The following EEA1 variants were observed in gnomAD, a reference collection of about 807,000 sequenced individuals.
EEA1 encodes early endosome antigen 1, also known as early endosome antigen 1, 162kD.
Under a neutral mutation model 209.2 loss-of-function variants are expected in EEA1, and 111 were observed. That is an observed-to-expected ratio of 0.53 (90% CI 0.45 to 0.62). The LOEUF (loss-of-function observed/expected upper bound fraction) is 0.62. Among genes scored for constraint, EEA1 ranks in the 20% least tolerant of loss-of-function variants. The pLI, the probability that EEA1 is intolerant of heterozygous loss-of-function variation, is 0.00. For missense variants in EEA1, 1,343 were observed against 1,530.8 expected, an observed-to-expected ratio of 0.88 and a Z score of 2.05; for synonymous variants, 536 against 540.6, an observed-to-expected ratio of 0.99 and a Z score of 0.12.
intron 5 of EEA1, among the ~76,000 whole-genome samples, chr12:92,854,930 TA>T (rs575117660): frequency 8.5e-4 from 130 of 152,348 alleles, no homozygotes; most frequent in African/African-American, 3.1e-3. Context: ...ATATTCCCTG[TA>T]AGATTTGTTC....
chr12:92,805,512 T>A (rs1565815413), intron 18 of EEA1, among the ~76,000 whole-genome samples: 1 of 152,110 alleles, frequency 6.6e-6, no homozygotes, highest in Non-Finnish European at 1.5e-5. Flanking sequence ...TTGACACAAG[T>A]CAAGTCCATC....
intron 8 of EEA1, among the ~76,000 whole-genome samples, chr12:92,851,796 C>T (rs1451698712): frequency 6.6e-6 from 1 of 152,058 alleles, no homozygotes; most frequent in Non-Finnish European, 1.5e-5. Flanking sequence ...AACATGATTA[C>T]TTTGATTTTA....
In EEA1 at chr12:92,781,866, G is replaced by A. The variant is rs1397201821; in HGVS notation, c.3336+84C>T. ...GCTGTTGAAAATAAGGATGATGCCT[G>A]TACTAAATAAGAGGTTTGACTGGAT... On this transcript the variant is annotated intron_variant, in intron 23 of 28. Coordinates refer to ENST00000322349, the MANE Select transcript of EEA1 (RefSeq NM_003566.4). 8.7e-6 allele frequency: 11 copies of A among 1,267,828 alleles called. No individual in the cohort carries two copies. The Admixed American group carries it at 1.8e-4, about 21-fold the overall frequency. 78.5% of individuals were successfully genotyped at this position (1,267,828 alleles called of 1,614,324 possible).
At chr12:92,878,911 C>T (rs1879023207) in intron 2 of EEA1, among the ~76,000 whole-genome samples, 1 of 152,082 alleles carries the variant, frequency 6.6e-6, no homozygotes, top group African/African-American at 2.4e-5. Context: ...CAAAAAGAAA[C>T]AGAGAATCTG....
chr12:92,794,680 A>T (rs1406338871), intron 21 of EEA1, among the ~76,000 whole-genome samples: 2 of 147,244 alleles, frequency 1.4e-5, no homozygotes, highest in Non-Finnish European at 3.0e-5. Flanking sequence ...AAAGTGAACA[A>T]TGAGATCACT....
intron 15 of EEA1, among the ~76,000 whole-genome samples, chr12:92,814,758 A>T (rs972473534): frequency 6.6e-6 from 1 of 152,190 alleles, no homozygotes; most frequent in Non-Finnish European, 1.5e-5. Context: ...GCCCTCATAC[A>T]TGTGCATAAT....
intron 14 of EEA1, among the ~76,000 whole-genome samples, chr12:92,818,019 TGATAG>T (rs1875874124): frequency 1.3e-5 from 2 of 152,178 alleles, no homozygotes; most frequent in Admixed American, 1.3e-4. Context: ...TGTAGCTCCT[TGATAG>T]TATTCATTGG....
chr12:92,863,178 G>T (rs1427547398), intron 3 of EEA1, among the ~76,000 whole-genome samples: 2 of 152,204 alleles, frequency 1.3e-5, no homozygotes, highest in African/African-American at 4.8e-5. Flanking sequence ...AAATTTTGCA[G>T]TGGTTGTTGC....
rs755010972 is a variant in EEA1 at position 92,802,719 on chromosome 12, T to C, written c.2355A>G (p.Arg785=). 6.3e-7 allele frequency: 1 copy of C among 1,589,912 alleles called. No individual in the cohort carries two copies. The highest frequency in any genetic ancestry group is 1.2e-5 in the South Asian group (1 of 84,902). ...EMEKEIVSST[R]LDLQKKSEAL... ...CTTCAGATTTTTTCTGTAGATCCAA[T>C]CTTGTACTGGATACTCTAAATATTT... is the stretch of plus-strand genomic sequence containing the variant. The change falls in exon 19 of 29, where the codon AGA becomes AGG. Residue 785 remains arginine, a synonymous_variant. Transcript: ENST00000322349.
chr12:92,852,137 G>A, intron 8 of EEA1, 38 bp downstream of exon 8: 1 of 1,487,534 alleles, frequency 6.7e-7, no homozygotes, highest in Non-Finnish European at 9.0e-7. Flanking sequence ...ATTTAGAAAG[G>A]TATAAGAGTA....
intron 9 of EEA1, among the ~76,000 whole-genome samples, chr12:92,846,896 C>T (rs934994906): frequency 1.4e-4 from 22 of 152,268 alleles, no homozygotes; most frequent in Non-Finnish European, 3.1e-4. Flanking sequence ...TGTTAAAACA[C>T]ATATTCCTAA....
chr12:92,884,096 T>C (rs1879279581), intron 2 of EEA1: 6 of 1,222,304 alleles, frequency 4.9e-6, no homozygotes, highest in Admixed American at 3.4e-5. Flanking sequence ...AAAAAGATAT[T>C]TGTTGGTGGC....
intron 1 of EEA1, among the ~76,000 whole-genome samples, chr12:92,893,383 G>T (rs1408989937): frequency 6.6e-6 from 1 of 152,148 alleles, no homozygotes; most frequent in Admixed American, 6.5e-5. Flanking sequence ...ATTTTAATTA[G>T]AGCAGTGTGG....
chr12:92,912,637 C>T (rs964268344), intron 1 of EEA1, among the ~76,000 whole-genome samples: 5 of 152,098 alleles, frequency 3.3e-5, no homozygotes, highest in Non-Finnish European at 5.9e-5. Context: ...GGTGAAGTCT[C>T]GGCTTTTAGT....
At chr12:92,925,432 T>C (rs1180199321) in intron 1 of EEA1, among the ~76,000 whole-genome samples, 1 of 152,102 alleles carries the variant, frequency 6.6e-6, no homozygotes, top group Non-Finnish European at 1.5e-5. Flanking sequence ...ACCAAGCTGG[T>C]CTCGAACTCC....
At position 92,777,932 on chromosome 12, in the gene EEA1, A is replaced by C. The variant is rs754373606; in HGVS notation, c.3893+9T>G. The C allele has an allele frequency of 6.2e-7, 1 of 1,602,696 alleles. No individual in the cohort carries two copies. Among genetic ancestry groups the C allele is most frequent in the Non-Finnish European group, 8.5e-7 (1 of 1,170,778 alleles). ...TGGAAATAAACTAATTTTACTAGAT[A>C]TCAATCACCTTTCCAGTAGTGCTCT... On this transcript the variant is annotated intron_variant, in intron 26 of 28. Coordinates refer to ENST00000322349, the MANE Select transcript of EEA1 (RefSeq NM_003566.4).
At chr12:92,815,589 T>C (rs7963370) in intron 15 of EEA1, among the ~76,000 whole-genome samples, 145,156 of 152,234 alleles carry the variant, frequency 0.95, 69,237 homozygotes, top group East Asian at 1. Context: ...TTCTATATCA[T>C]AGAATAAGAA....
chr12:92,906,327 C>T (rs995090384), intron 1 of EEA1, among the ~76,000 whole-genome samples: 1 of 151,982 alleles, frequency 6.6e-6, no homozygotes, highest in African/African-American at 2.4e-5. Flanking sequence ...TTCTTAGGCG[C>T]AAGCAATCCA....
chr12:92,897,952 TATA>T lies in EEA1; in HGVS notation c.25-6234_25-6232del, dbSNP rs571851699. ...TTAATAGACTACAGTATGCCGTGAA[TATA>T]ATTTTTATATGCACTGTGAAACCAA... On this transcript the variant is annotated intron_variant, in intron 1 of 28. Coordinates refer to ENST00000322349, the MANE Select transcript of EEA1 (RefSeq NM_003566.4). 1.0e-3 allele frequency among the ~76,000 whole-genome samples: 155 copies of T among 152,350 alleles called. 1 individual carries two copies. Among genetic ancestry groups the T allele is most frequent in the African/African-American group, 3.3e-3 (139 of 41,568 alleles).
Sources: allele counts gnomAD v4.1 joint callset (sites outside exome capture counted in the v4.1 genomes callset), GRCh38; gene constraint gnomAD v4.1.1; transcripts MANE v1.5; gene names NCBI Gene and HGNC (gene_info 2026-07-23, HGNC 2026-07-21).